Variants in RAB18 observed in about 807,000 individuals in gnomAD.
RAB18 encodes RAB18, member RAS oncogene family, also known as ras-related protein Rab-18.
Under a neutral mutation model 28.5 loss-of-function variants are expected in RAB18, and 10 were observed. That is an observed-to-expected ratio of 0.35 (90% confidence interval 0.22 to 0.60). The LOEUF is 0.60. Ranked by LOEUF, RAB18 falls within the 20% of genes least tolerant of loss-of-function variation. The pLI is 0.78. For missense variants in RAB18, 188 were observed against 244.2 expected, an observed-to-expected ratio of 0.77 and a Z score of 1.53; for synonymous variants, 93 against 86.9, an observed-to-expected ratio of 1.07 and a Z score of -0.39.
At chr10:27,515,850 A>G (rs973719849) in intron 2 of RAB18, among the ~76,000 whole-genome samples, 2 of 151,980 alleles carry the variant, frequency 1.3e-5, no homozygotes, top group Admixed American at 1.3e-4. Flanking sequence ...TATCATTCCA[A>G]CCTCTTCAAG....
intron 2 of RAB18, among the ~76,000 whole-genome samples, chr10:27,519,568 A>G (rs1049310606): frequency 2.0e-5 from 3 of 152,154 alleles, no homozygotes; most frequent in African/African-American, 7.2e-5. Flanking sequence ...AAATTTAAAT[A>G]CAATTTTAGA....
At chr10:27,527,118 AAACAG>A (rs1834690564) in intron 3 of RAB18, 2 of 637,324 alleles carry the variant, frequency 3.1e-6, no homozygotes, top group Non-Finnish European at 5.9e-6. Flanking sequence ...GAATATTTCA[AAACAG>A]AACAGAATAT....
chr10:27,518,263 A>C (rs1834478599), intron 2 of RAB18, among the ~76,000 whole-genome samples: 1 of 152,212 alleles, frequency 6.6e-6, no homozygotes, highest in Admixed American at 6.5e-5. Context: ...CAGTAATGGA[A>C]TTGGTGGGTC....
At chr10:27,526,989 T>G (rs1406444894) in intron 3 of RAB18, 100 bp downstream of exon 3, 3 of 1,241,960 alleles carry the variant, frequency 2.4e-6, no homozygotes, top group Non-Finnish European at 3.5e-6. Flanking sequence ...AATGAACAAT[T>G]TGTATTAAAT....
intron 3 of RAB18, chr10:27,531,562 T>A: frequency 7.2e-7 from 1 of 1,383,820 alleles, no homozygotes; most frequent in Non-Finnish European, 1.0e-6. Flanking sequence ...AAACTTTTTC[T>A]TAAAGAGCCA....
At chr10:27,521,468 A>G (rs546010392) in intron 2 of RAB18, among the ~76,000 whole-genome samples, 19 of 152,326 alleles carry the variant, frequency 1.2e-4, no homozygotes, top group African/African-American at 4.1e-4. Flanking sequence ...CCATCAATCA[A>G]TGAGTAGATA....
intron 2 of RAB18, among the ~76,000 whole-genome samples, chr10:27,513,026 A>G (rs1182214168): frequency 7.2e-6 from 1 of 139,698 alleles, no homozygotes; most frequent in Non-Finnish European, 1.5e-5. Flanking sequence ...ATATATATAT[A>G]TATATATTTT....
intron 3 of RAB18, among the ~76,000 whole-genome samples, chr10:27,531,239 T>C (rs1333937739): frequency 6.6e-6 from 1 of 152,058 alleles, no homozygotes; most frequent in Non-Finnish European, 1.5e-5. Flanking sequence ...TAAGTGTATC[T>C]GTGGAAGAGT....
intron 2 of RAB18, among the ~76,000 whole-genome samples, chr10:27,515,768 T>C (rs777019096): frequency 6.6e-6 from 1 of 151,998 alleles, no homozygotes; most frequent in Non-Finnish European, 1.5e-5. Flanking sequence ...CAAACTTAAA[T>C]AATATTGGAA....
At position 27,538,375 on chromosome 10, in the gene RAB18, G is replaced by A. The variant is rs978026110; in HGVS notation, c.*324G>A. ...ATATGTTGATACAAAGTCTGCTTTT[G>A]CTATTCTTTTTGCTTAAATACTCCT... On this transcript the variant is annotated 3_prime_UTR_variant, in exon 7 of 7. Coordinates refer to ENST00000356940, the MANE Select transcript of RAB18 (RefSeq NM_021252.5). The A allele has an allele frequency of 2.1e-6, 1 of 480,598 alleles. No homozygotes were observed. Among genetic ancestry groups the A allele is most frequent in the South Asian group, 1.5e-5 (1 of 64,676 alleles). The allele number at this position is 480,598 out of a possible 1,614,324, so 29.8% of individuals were successfully genotyped here. A position where few individuals can be genotyped will look rare whatever the true frequency, so the allele number is the denominator to read the frequency against.
Position 27,539,357 on chromosome 10 carries a change from A to T in RAB18, c.*1306A>T. ...TGTTCTCTGTATACAATTGCAAATG[A>T]TAAGCATTTTTGTGAGTGACCACCT... On this transcript the variant is annotated 3_prime_UTR_variant, in exon 7 of 7. Coordinates refer to ENST00000356940, the MANE Select transcript of RAB18 (RefSeq NM_021252.5). 3.4e-6 allele frequency: 1 copy of T among 295,042 alleles called. No individual in the cohort carries two copies. The highest frequency in any genetic ancestry group is 3.2e-5 in the South Asian group (1 of 31,404). The allele number at this position is 295,042 out of a possible 1,614,324, so 18.3% of individuals were successfully genotyped here.
chr10:27,525,389 A>G (rs1834651094), intron 2 of RAB18, among the ~76,000 whole-genome samples: 1 of 144,070 alleles, frequency 6.9e-6, no homozygotes, highest in African/African-American at 2.6e-5. Flanking sequence ...AGTCAGAACC[A>G]TTTTCCTCCT....
intron 1 of RAB18, among the ~76,000 whole-genome samples, chr10:27,509,405 A>C (rs1384870001): frequency 6.6e-6 from 1 of 152,098 alleles, no homozygotes; most frequent in Non-Finnish European, 1.5e-5. Context: ...CGTGTTACAG[A>C]ATGCTCGGCT....
At position 27,538,204 on chromosome 10, in the gene RAB18, C is replaced by T; in HGVS notation, c.*153C>T. On this transcript the variant is annotated 3_prime_UTR_variant, in exon 7 of 7. Coordinates refer to ENST00000356940, the MANE Select transcript of RAB18 (RefSeq NM_021252.5). The stretch of plus-strand genomic sequence containing the variant: ...ATTTGCAAGAAATCCCACTCATCGA[C>T]CCCGGGTAAAATGTTATGGTAAGCA... 1 of 1,036,880 alleles carries T rather than the reference C, an allele frequency of 9.6e-7. No individual in the cohort carries two copies. Among genetic ancestry groups the T allele is most frequent in the Non-Finnish European group, 1.5e-6 (1 of 689,434 alleles). The allele number at this position is 1,036,880 out of a possible 1,614,324, so 64.2% of individuals were successfully genotyped here. A position where few individuals can be genotyped will look rare whatever the true frequency, so the allele number is the denominator to read the frequency against.
At chr10:27,504,515 C>G in intron 1 of RAB18, 78 bp downstream of exon 1, 1 of 1,473,998 alleles carries the variant, frequency 6.8e-7, no homozygotes, top group South Asian at 1.2e-5. Context: ...TGGGCCGCGA[C>G]GGGAACTGTA....
chr10:27,507,795 C>T lies in RAB18; in HGVS notation c.69-2080C>T, dbSNP rs142747033. On this transcript the variant is annotated intron_variant, in intron 1 of 6. Coordinates refer to ENST00000356940, the MANE Select transcript of RAB18 (RefSeq NM_021252.5). ...GGCTCATCCTGTAATCCTAGCTACT[C>T]GGGAGGCTGAGACAGGAGGATCTCT... is the stretch of plus-strand genomic sequence containing the variant. 1.1e-3 allele frequency among the ~76,000 whole-genome samples: 164 copies of T among 151,710 alleles called. 1 individual carries two copies. The highest frequency in any genetic ancestry group is 3.7e-3 in the African/African-American group (152 of 41,380).
rs1479749049 is a variant in RAB18, at chr10:27,541,043, A to G, written c.*2992A>G. The G allele has an allele frequency of 4.4e-6, 2 of 453,334 alleles. No homozygotes were observed. Among genetic ancestry groups the G allele is most frequent in the Admixed American group, 2.4e-5 (1 of 42,466 alleles). The allele number at this position is 453,334 out of a possible 1,614,324, so 28.1% of individuals were successfully genotyped here. A position where few individuals can be genotyped will look rare whatever the true frequency, so the allele number is the denominator to read the frequency against. On this transcript the variant is annotated 3_prime_UTR_variant, in exon 7 of 7. Coordinates refer to ENST00000356940, the MANE Select transcript of RAB18 (RefSeq NM_021252.5). ...AAATGAACTCAACAATTCTTCAGGT[A>G]TTATAGATCAGAGATCCTCTCCATA...
chr10:27,520,916 CAAAAAA>C (rs58688075), intron 2 of RAB18, among the ~76,000 whole-genome samples: 107 of 40,086 alleles, frequency 2.7e-3, no homozygotes, highest in Non-Finnish European at 4.1e-3. Context: ...GACTCCATCT[CAAAAAA>C]AAAAAAAAAA....
At chr10:27,533,278 CTG>C (rs749678554) in intron 4 of RAB18, among the ~76,000 whole-genome samples, 9 of 151,906 alleles carry the variant, frequency 5.9e-5, no homozygotes, top group Admixed American at 1.3e-4. Context: ...CATCTACTAA[CTG>C]TACTACAATT....
Sources: gnomAD v4.1 joint callset for allele counts (sites outside exome capture counted in the v4.1 genomes callset) on GRCh38, gnomAD v4.1.1 for gene constraint, MANE v1.5 for transcripts, NCBI Gene and HGNC (gene_info 2026-07-23, HGNC 2026-07-21) for gene names.